The following CNTLN variants were observed in gnomAD, a reference collection of about 807,000 sequenced individuals.
CNTLN encodes centlein.
CNTLN carries 212 observed loss-of-function variants against 180.0 expected under a neutral mutation model. That is an observed-to-expected ratio of 1.18 (90% CI 1.05 to 1.32). The LOEUF (loss-of-function observed/expected upper bound fraction) is 1.32. Among genes scored for constraint, CNTLN ranks in the 40% most tolerant of loss-of-function variants. The probability of loss-of-function intolerance (pLI) is 0.00; values close to 1 mark genes in which losing one functional copy is unlikely to be tolerated. For missense variants in CNTLN, 2,095 were observed against 1,610.9 expected, an observed-to-expected ratio of 1.30 and a Z score of -5.14; for synonymous variants, 722 against 563.1, an observed-to-expected ratio of 1.28 and a Z score of -3.99.
chr9:17,381,200 C>G (rs1378341104), intron 13 of CNTLN, among the ~76,000 whole-genome samples: 1 of 152,240 alleles, frequency 6.6e-6, no homozygotes, highest in African/African-American at 2.4e-5. Context: ...ATGTCAGCAT[C>G]TGAGATTTGG....
intron 15 of CNTLN, among the ~76,000 whole-genome samples, chr9:17,399,398 A>G (rs558412100): frequency 4.6e-5 from 7 of 152,314 alleles, no homozygotes; most frequent in African/African-American, 1.7e-4. Flanking sequence ...CATTTCTCAA[A>G]CACAACATAA....
Position 17,306,082 on chromosome 9 carries a change from C to G in CNTLN, c.1147-2976C>G, listed in dbSNP as rs548354173. Among the ~76,000 whole-genome samples the G allele has an allele frequency of 3.3e-5, 5 of 151,576 alleles. No individual in the cohort carries two copies. The South Asian group carries it at 1.0e-3, about 32-fold the overall frequency. On this transcript the variant is annotated intron_variant, in intron 7 of 25. Transcript: ENST00000380647. ...GGGCAACTTCTGAATAGGAATGCAA[C>G]TGCTTAAACTGCATGTCAGAGAGAG... is the stretch of plus-strand genomic sequence containing the variant.
chr9:17,261,504 A>G (rs1346391109), intron 5 of CNTLN, among the ~76,000 whole-genome samples: 1 of 151,398 alleles, frequency 6.6e-6, no homozygotes, highest in Admixed American at 6.6e-5. Flanking sequence ...AATGCTGCTG[A>G]TTTTTGTGCA....
At chr9:17,463,164 T>G in intron 20 of CNTLN, 151 bp downstream of exon 20, 1 of 447,168 alleles carries the variant, frequency 2.2e-6, no homozygotes, top group South Asian at 5.7e-5. Context: ...AGGAATACTA[T>G]GTATAGCATG....
At chr9:17,406,071 T>C (rs1203623287) in intron 15 of CNTLN, among the ~76,000 whole-genome samples, 1 of 151,850 alleles carries the variant, frequency 6.6e-6, no homozygotes, top group Non-Finnish European at 1.5e-5. Context: ...TCCTGGGCTT[T>C]ACCCCACCAA....
intron 2 of CNTLN, 87 bp from the exon 3 acceptor site, chr9:17,226,116 T>C: frequency 1.6e-6 from 1 of 640,850 alleles, no homozygotes; most frequent in East Asian, 3.3e-5. Flanking sequence ...TTTCTATATT[T>C]TAAAGTGATA....
intron 2 of CNTLN, among the ~76,000 whole-genome samples, chr9:17,224,389 C>A: frequency 6.6e-6 from 1 of 151,954 alleles, no homozygotes; most frequent in East Asian, 1.9e-4. Flanking sequence ...GGTATTCCTT[C>A]AATCTGAGAA....
At chr9:17,231,433 A>T (rs1197284668) in intron 3 of CNTLN, among the ~76,000 whole-genome samples, 1 of 151,992 alleles carries the variant, frequency 6.6e-6, no homozygotes, top group Non-Finnish European at 1.5e-5. Context: ...TTTTTTGGGT[A>T]AGACTATGTT....
chr9:17,290,779 C>A (rs542771129), intron 6 of CNTLN, among the ~76,000 whole-genome samples: 3 of 151,754 alleles, frequency 2.0e-5, no homozygotes, highest in Non-Finnish European at 4.4e-5. Flanking sequence ...TTTCCAGGTG[C>A]GTCTGTCACC....
intron 25 of CNTLN, among the ~76,000 whole-genome samples, chr9:17,494,691 T>C (rs908328408): frequency 3.3e-5 from 5 of 152,114 alleles, no homozygotes; most frequent in Non-Finnish European, 5.9e-5. Context: ...TATCCACAAG[T>C]GACACTGTAA....
At chr9:17,148,871 G>T (rs1818639285) in intron 2 of CNTLN, among the ~76,000 whole-genome samples, 1 of 152,090 alleles carries the variant, frequency 6.6e-6, no homozygotes, top group African/African-American at 2.4e-5. Context: ...GGCAGAACGT[G>T]CAGTTTGTTA....
At chr9:17,226,178 T>C in intron 2 of CNTLN, 25 bp from the exon 3 acceptor site, 1 of 1,285,098 alleles carries the variant, frequency 7.8e-7, no homozygotes, top group South Asian at 1.4e-5. Context: ...TTATGACTAA[T>C]AAACTCTCTA....
chr9:17,168,256 C>A (rs990145350), intron 2 of CNTLN: 1 of 152,090 alleles, frequency 6.6e-6, no homozygotes, highest in African/African-American at 2.4e-5. Context: ...AAAAGAAAAT[C>A]TGTCTAAATG....
chr9:17,381,089 A>G (rs1248764005), intron 13 of CNTLN, among the ~76,000 whole-genome samples: 1 of 152,234 alleles, frequency 6.6e-6, no homozygotes, highest in Non-Finnish European at 1.5e-5. Context: ...GGATTGGGGT[A>G]GTATTTTTAG....
chr9:17,513,508 CA>C, the CNTLN span, among the ~76,000 whole-genome samples: 2,303 of 152,096 alleles, frequency 0.015, 63 homozygotes, highest in African/African-American at 0.052. Context: ...CCAGCCTGAG[CA>C]AAATGGCGAA....
intron 15 of CNTLN, among the ~76,000 whole-genome samples, chr9:17,396,984 G>A (rs766792270): frequency 3.9e-5 from 6 of 152,166 alleles, no homozygotes; most frequent in African/African-American, 1.2e-4. Flanking sequence ...CCCACTAAGC[G>A]TTATCTTTAT....
intron 5 of CNTLN, among the ~76,000 whole-genome samples, chr9:17,263,941 T>G (rs984454807): frequency 1.0e-4 from 15 of 143,172 alleles, no homozygotes; most frequent in African/African-American, 3.8e-4. Context: ...TTCTGGATAT[T>G]AGCCCTTTGT....
In CNTLN at chr9:17,332,726, T is replaced by A. The variant is rs1378394795; in HGVS notation, c.1640T>A (p.Leu547Gln). 1 of 1,586,982 alleles carries A rather than the reference T, an allele frequency of 6.3e-7. No individual in the cohort carries two copies. The highest frequency in any genetic ancestry group is 1.4e-5 in the African/African-American group (1 of 73,112). The stretch of plus-strand genomic sequence containing the variant: ...GAAAACTTAGAGAAGGCACTACAAC[T>A]AAAGGTGAACATTAAATCATTTCTT... The part of the protein sequence containing the change: ...KIENLEKALQ[L>Q]KSQENDELRD... Residue 547 changes from leucine (L) to glutamine (Q), a missense_variant, in exon 10 of 26, where the codon CTA becomes CAA. Transcript: ENST00000380647.
chr9:17,245,257 T>G (rs1201222160), intron 5 of CNTLN, among the ~76,000 whole-genome samples: 1 of 152,092 alleles, frequency 6.6e-6, no homozygotes, highest in Non-Finnish European at 1.5e-5. Flanking sequence ...TAATCCAGCT[T>G]TTGTTTGTCT....
Sources: gnomAD v4.1 joint callset for allele counts (sites outside exome capture counted in the v4.1 genomes callset) on GRCh38, gnomAD v4.1.1 for gene constraint, MANE v1.5 for transcripts, NCBI Gene and HGNC (gene_info 2026-07-23, HGNC 2026-07-21) for gene names.